The following DSCAM variants were observed in gnomAD, a reference collection of about 807,000 sequenced individuals.
The protein encoded by DSCAM is cell adhesion molecule DSCAM.
In DSCAM, 47 loss-of-function variants were observed where a neutral mutation model predicts 217.7. The observed-to-expected ratio is 0.22, with a 90% CI of 0.17 to 0.28. DSCAM has a LOEUF of 0.28. Among genes scored for constraint, DSCAM ranks in the 10% least tolerant of loss-of-function variants. DSCAM has a pLI of 1.00. For missense variants in DSCAM, 2,080 were observed against 2,618.3 expected (o/e 0.79, Z 4.49); for synonymous variants, 1,056 against 1,015.3 (o/e 1.04, Z -0.76).
intron 11 of DSCAM, among the ~76,000 whole-genome samples, chr21:40,210,877 G>A (rs994950512): frequency 6.6e-6 from 1 of 152,156 alleles, no homozygotes; most frequent in Non-Finnish European, 1.5e-5. Context: ...ATTCATTTGT[G>A]TGTATGTGCT....
intron 3 of DSCAM, among the ~76,000 whole-genome samples, chr21:40,451,203 C>G (rs887594280): frequency 6.6e-6 from 1 of 152,110 alleles, no homozygotes; most frequent in South Asian, 2.1e-4. Context: ...GTTCAGACTC[C>G]AAAGGGCCAC....
chr21:40,017,061 C>T (rs371702632), intron 32 of DSCAM, among the ~76,000 whole-genome samples: 11 of 147,716 alleles, frequency 7.4e-5, no homozygotes, highest in African/African-American at 1.0e-4. Context: ...GGTTGCTGCA[C>T]GATTGCACTC....
At chr21:40,029,426 GTTTTT>G (rs924937730) in intron 32 of DSCAM, among the ~76,000 whole-genome samples, 4 of 141,670 alleles carry the variant, frequency 2.8e-5, no homozygotes, top group African/African-American at 5.5e-5. Flanking sequence ...ATTTGAGGTT[GTTTTT>G]TTTTTTTTTA....
intron 3 of DSCAM, among the ~76,000 whole-genome samples, chr21:40,498,341 G>A (rs1021751800): frequency 6.6e-6 from 1 of 151,888 alleles, no homozygotes; most frequent in African/African-American, 2.4e-5. Context: ...CGCCACACCT[G>A]CTCTGCAAGA....
intron 10 of DSCAM, among the ~76,000 whole-genome samples, chr21:40,287,516 G>A (rs1283060225): frequency 2.0e-5 from 3 of 152,154 alleles, no homozygotes; most frequent in Non-Finnish European, 4.4e-5. Context: ...AGTAGGAGGG[G>A]ACTCCAGAGA....
intron 8 of DSCAM, among the ~76,000 whole-genome samples, chr21:40,317,512 G>T (rs1421019514): frequency 1.3e-5 from 2 of 151,902 alleles, no homozygotes; most frequent in Non-Finnish European, 2.9e-5. Flanking sequence ...ATAGTGTCCT[G>T]TTCTTTTTTT....
intron 10 of DSCAM, among the ~76,000 whole-genome samples, chr21:40,291,904 C>T (rs1356427594): frequency 6.6e-6 from 1 of 152,194 alleles, no homozygotes; most frequent in African/African-American, 2.4e-5. Flanking sequence ...CATCTATTCT[C>T]TCGCATTTGC....
intron 3 of DSCAM, among the ~76,000 whole-genome samples, chr21:40,573,022 C>G (rs1481241179): frequency 6.6e-6 from 1 of 152,092 alleles, no homozygotes; most frequent in Non-Finnish European, 1.5e-5. Context: ...AATTCCCCAG[C>G]AAATCATAAT....
chr21:40,738,738 A>G (rs763166928), intron 1 of DSCAM, among the ~76,000 whole-genome samples: 7 of 152,228 alleles, frequency 4.6e-5, no homozygotes, highest in Admixed American at 1.3e-4. Context: ...TCATCGAGTG[A>G]CGTTGATGCT....
At chr21:40,646,770 G>A (rs745813914) in intron 3 of DSCAM, among the ~76,000 whole-genome samples, 4 of 152,194 alleles carry the variant, frequency 2.6e-5, no homozygotes, top group African/African-American at 4.8e-5. Flanking sequence ...GAACACTCTC[G>A]ACTCTTGTTT....
chr21:40,503,441 T>G (rs2076185836), intron 3 of DSCAM, among the ~76,000 whole-genome samples: 1 of 152,234 alleles, frequency 6.6e-6, no homozygotes, highest in Non-Finnish European at 1.5e-5. Context: ...GTCCCCAGCT[T>G]TCCTGCATTA....
chr21:40,458,486 T>C (rs2075781039), intron 3 of DSCAM, among the ~76,000 whole-genome samples: 1 of 151,506 alleles, frequency 6.6e-6, no homozygotes, highest in Admixed American at 6.6e-5. Flanking sequence ...AGGATGAAAA[T>C]AAATGACATA....
intron 3 of DSCAM, among the ~76,000 whole-genome samples, chr21:40,376,177 G>T (rs1370006587): frequency 3.3e-5 from 5 of 152,052 alleles, no homozygotes; most frequent in Non-Finnish European, 7.4e-5. Flanking sequence ...ATGTTAAATG[G>T]TAGCACAAGC....
At chr21:40,107,192 A>G in intron 20 of DSCAM, among the ~76,000 whole-genome samples, 1 of 152,122 alleles carries the variant, frequency 6.6e-6, no homozygotes, top group East Asian at 1.9e-4. Flanking sequence ...ATTAGTTTCA[A>G]AGAACTTCTT....
At chr21:40,566,685 T>G (rs2076767307) in intron 3 of DSCAM, among the ~76,000 whole-genome samples, 1 of 152,184 alleles carries the variant, frequency 6.6e-6, no homozygotes, top group Non-Finnish European at 1.5e-5. Context: ...GAACATTCAG[T>G]GGGCTGATGC....
In DSCAM at chr21:40,659,136, G is replaced by A. The variant is rs529403367; in HGVS notation, c.508+33674C>T. On this transcript the variant is annotated intron_variant, in intron 3 of 32. Coordinates refer to ENST00000400454, the MANE Select transcript of DSCAM (RefSeq NM_001389.5). ...ACAGATGTCACCAATGTGCCTCCAAGGGTCAAAAAAAATAGTCGTGTTTCT... is the reference window on the plus strand; with the variant it reads ...ACAGATGTCACCAATGTGCCTCCAAAGGTCAAAAAAAATAGTCGTGTTTCT... Among the ~76,000 whole-genome samples the A allele has an allele frequency of 3.3e-5, 5 of 152,070 alleles. No homozygotes were observed. In the South Asian group the frequency reaches 8.3e-4, roughly 25 times the overall value.
At chr21:40,665,816 C>T (rs2090193112) in intron 3 of DSCAM, among the ~76,000 whole-genome samples, 1 of 152,132 alleles carries the variant, frequency 6.6e-6, no homozygotes, top group African/African-American at 2.4e-5. Flanking sequence ...ACAGATACAC[C>T]CCCATCTTAT....
chr21:40,105,467 G>C (rs1293097187), intron 20 of DSCAM, among the ~76,000 whole-genome samples: 1 of 152,178 alleles, frequency 6.6e-6, no homozygotes, highest in African/African-American at 2.4e-5. Flanking sequence ...GACAGTGAGT[G>C]AGTTCTCATG....
At chr21:40,126,431 T>C (rs1039528251) in intron 19 of DSCAM, among the ~76,000 whole-genome samples, 6 of 152,096 alleles carry the variant, frequency 3.9e-5, no homozygotes, top group Admixed American at 2.6e-4. Context: ...CATGTGGATT[T>C]GTCCCAATTT....
Sources: gnomAD v4.1 joint callset for allele counts (sites outside exome capture counted in the v4.1 genomes callset) on GRCh38, gnomAD v4.1.1 for gene constraint, MANE v1.5 for transcripts, NCBI Gene and HGNC (gene_info 2026-07-23, HGNC 2026-07-21) for gene names.